The following EPC1 variants were observed in gnomAD, a reference collection of about 807,000 sequenced individuals.
The protein encoded by EPC1 is enhancer of polycomb 1, also known as enhancer of polycomb homolog 1.
EPC1 carries 12 observed loss-of-function variants against 98.4 expected under a neutral mutation model. The observed-to-expected ratio is 0.12, with a 90% CI of 0.08 to 0.20. The LOEUF is 0.20. EPC1 is among the 10% of genes least tolerant of loss of function. The probability of loss-of-function intolerance (pLI) is 1.00; values close to 1 mark genes in which losing one functional copy is unlikely to be tolerated. For synonymous variants in EPC1, 357 were observed against 363.9 expected (o/e 0.98, Z 0.21); for missense variants, 729 against 990.5 (o/e 0.74, Z 3.54).
chr10:32,320,166 G>C (rs903244194), intron 1 of EPC1, among the ~76,000 whole-genome samples: 6 of 151,156 alleles, frequency 4.0e-5, no homozygotes, highest in African/African-American at 1.5e-4. Flanking sequence ...TTTTCTGTAA[G>C]TAAAATTACT....
intron 1 of EPC1, among the ~76,000 whole-genome samples, chr10:32,364,452 C>G (rs1432575049): frequency 1.3e-5 from 2 of 152,126 alleles, no homozygotes; most frequent in African/African-American, 2.4e-5. Flanking sequence ...GTTACCTTAA[C>G]TGTATTACAA....
intron 1 of EPC1, chr10:32,374,502 A>G (rs1187269235): frequency 6.6e-6 from 1 of 152,098 alleles, no homozygotes; most frequent in Non-Finnish European, 1.5e-5. Context: ...TGCAATAGGA[A>G]TTTGTATTAG....
intron 1 of EPC1, among the ~76,000 whole-genome samples, chr10:32,340,183 C>A (rs1454460212): frequency 6.6e-6 from 1 of 152,122 alleles, no homozygotes; most frequent in African/African-American, 2.4e-5. Flanking sequence ...AAAAACTGAA[C>A]CAAAACTTTA....
chr10:32,351,347 C>T (rs1243894277), upstream of EPC1, among the ~76,000 whole-genome samples: 1 of 152,170 alleles, frequency 6.6e-6, no homozygotes, highest in Non-Finnish European at 1.5e-5. Context: ...CTAGCAGTCT[C>T]ATCACCATCT....
intron 1 of EPC1, among the ~76,000 whole-genome samples, chr10:32,332,977 T>C (rs752786162): frequency 5.9e-5 from 9 of 152,138 alleles, no homozygotes; most frequent in Non-Finnish European, 8.8e-5. Context: ...TATTGGAAAC[T>C]AGAAGAGGAG....
At chr10:32,314,069 C>T (rs1484186445) in intron 1 of EPC1, among the ~76,000 whole-genome samples, 1 of 151,976 alleles carries the variant, frequency 6.6e-6, no homozygotes. Context: ...AGATCAATTC[C>T]AATTTTTCAT....
chr10:32,299,565 T>TCATC (rs72050442), intron 2 of EPC1, among the ~76,000 whole-genome samples: 108,317 of 138,384 alleles, frequency 0.78, 42,687 homozygotes, highest in East Asian at 0.97. Flanking sequence ...TCATCATCAT[T>TCATC]ATTATTATTA....
In EPC1 at chr10:32,268,984, C is replaced by T; in HGVS notation, c.*79G>A. On this transcript the variant is annotated 3_prime_UTR_variant, in exon 14 of 14. Coordinates refer to ENST00000319778, the MANE Select transcript of EPC1 (RefSeq NM_001272004.3). The stretch of plus-strand genomic sequence containing the variant: ...CCACAGAAACGCATGTGCTGCTTTC[C>T]ATCATCCCTTGCATTCAAAATGCTA... The T allele has an allele frequency of 2.5e-6, 3 of 1,207,582 alleles. No homozygotes were observed. The highest frequency in any genetic ancestry group is 3.7e-6 in the Non-Finnish European group (3 of 819,902). The allele number at this position is 1,207,582 out of a possible 1,614,324, so 74.8% of individuals were successfully genotyped here.
At chr10:32,373,921 A>C (rs896593773) in intron 1 of EPC1, among the ~76,000 whole-genome samples, 2 of 152,226 alleles carry the variant, frequency 1.3e-5, no homozygotes, top group African/African-American at 4.8e-5. Flanking sequence ...GTTCTATGTT[A>C]GTATGAAAGC....
chr10:32,299,342 T>C lies in EPC1; in HGVS notation c.314-5605A>G, dbSNP rs368223434. Reference sequence around the variant, plus strand: ...CTGGGATTACAGGCGCTTGCCACCATGCCAGGCTAATTTTTGTATTTTTAG... The same window carrying C: ...CTGGGATTACAGGCGCTTGCCACCACGCCAGGCTAATTTTTGTATTTTTAG... On this transcript the variant is annotated intron_variant, in intron 2 of 13. Coordinates refer to ENST00000319778, the MANE Select transcript of EPC1 (RefSeq NM_001272004.3). Among the ~76,000 whole-genome samples, 9 of 152,032 alleles carry C rather than the reference T, an allele frequency of 5.9e-5. No homozygotes were observed. In the East Asian group the frequency reaches 1.6e-3, roughly 26 times the overall value.
intron 10 of EPC1, among the ~76,000 whole-genome samples, chr10:32,276,580 G>C (rs1836111721): frequency 6.6e-6 from 1 of 152,188 alleles, no homozygotes; most frequent in African/African-American, 2.4e-5. Context: ...GTCCTCTTCA[G>C]CTATGAGATG....
chr10:32,271,530 T>A, intron 13 of EPC1, 24 bp downstream of exon 13: 1 of 1,603,360 alleles, frequency 6.2e-7, no homozygotes, highest in Admixed American at 1.7e-5. Context: ...ATTCCAGGTA[T>A]GTTAGGCAAA....
rs1198277534 is a variant in EPC1 at position 32,273,151 on chromosome 10, C to A, written c.1863+12G>T. ...CAATGAGGGATAATCATAAGACAGA[C>A]AAATCCCTCACCTGTGATGTGTTGG... On this transcript the variant is annotated intron_variant, in intron 11 of 13. Transcript: ENST00000319778. 6.2e-7 allele frequency: 1 copy of A among 1,614,070 alleles called. No individual in the cohort carries two copies. The highest frequency in any genetic ancestry group is 8.5e-7 in the Non-Finnish European group (1 of 1,179,982).
intron 1 of EPC1, among the ~76,000 whole-genome samples, chr10:32,312,315 G>A (rs1467099541): frequency 3.3e-5 from 5 of 152,118 alleles, no homozygotes; most frequent in Non-Finnish European, 7.3e-5. Flanking sequence ...CAGAATATAC[G>A]TAGCCCTTAA....
In EPC1 at chr10:32,284,862, C is replaced by A. The variant is rs761805840; in HGVS notation, c.1580G>T (p.Arg527Leu). 1 of 1,614,092 alleles carries A rather than the reference C, an allele frequency of 6.2e-7. No individual in the cohort carries two copies. The highest frequency in any genetic ancestry group is 1.1e-5 in the South Asian group (1 of 91,078). Reference protein sequence around the residue: ...ILVNIKSCRWRHFRPRTPSLH... With the variant: ...ILVNIKSCRWLHFRPRTPSLH... ...GGATGGTGTCCGAGGCCTAAAATGC[C>A]GCCATCTACATGATTTGATATTGAC... The change falls in exon 10 of 14, where the codon CGG (arginine) becomes CTG (leucine). Residue 527 changes from arginine (R) to leucine (L), a missense_variant. Transcript: ENST00000319778.
intron 2 of EPC1, among the ~76,000 whole-genome samples, chr10:32,298,540 G>A (rs1742950913): frequency 1.3e-5 from 2 of 152,134 alleles, no homozygotes; most frequent in Admixed American, 1.3e-4. Context: ...TATCAATTCT[G>A]AGCAGCAGAA....
At chr10:32,285,609 C>T (rs895628964) in intron 9 of EPC1, 1 of 152,468 alleles carries the variant, frequency 6.6e-6, no homozygotes, top group African/African-American at 2.4e-5. Flanking sequence ...TCCCGAGTAG[C>T]TGAGATTACA....
At chr10:32,272,876 TG>T in intron 11 of EPC1, 5 of 644,404 alleles carry the variant, frequency 7.8e-6, no homozygotes, top group Non-Finnish European at 1.1e-5. Context: ...GAGAATGAAC[TG>T]GGTGGGGTTA....
intron 1 of EPC1, among the ~76,000 whole-genome samples, chr10:32,309,892 G>T (rs996580168): frequency 6.6e-6 from 1 of 150,588 alleles, no homozygotes; most frequent in East Asian, 1.9e-4. Flanking sequence ...ATATAGTATA[G>T]TGGTTAAGAA....
Sources: allele counts gnomAD v4.1 joint callset (sites outside exome capture counted in the v4.1 genomes callset), GRCh38; gene constraint gnomAD v4.1.1; transcripts MANE v1.5; gene names NCBI Gene and HGNC (gene_info 2026-07-23, HGNC 2026-07-21).